CNTN5: variants seen among roughly 807,000 people sequenced by gnomAD.
The protein encoded by CNTN5 is contactin 5, also known as contactin-5.
In CNTN5, 77 loss-of-function variants were observed where a neutral mutation model predicts 129.1. That is an observed-to-expected ratio of 0.60 (90% confidence interval 0.50 to 0.72). CNTN5 has a LOEUF of 0.72. Ranked by LOEUF, CNTN5 falls within the 30% of genes least tolerant of loss-of-function variation. The pLI is 0.00. For synonymous variants in CNTN5, 509 were observed against 465.6 expected (o/e 1.09, Z -1.20); for missense variants, 1,478 against 1,328.8 (o/e 1.11, Z -1.75).
At chr11:99,588,378 T>C (rs575699555) in intron 3 of CNTN5, among the ~76,000 whole-genome samples, 195 of 145,094 alleles carry the variant, frequency 1.3e-3, no homozygotes, top group Non-Finnish European at 1.9e-3. Flanking sequence ...GACCACCATA[T>C]ACAATCACTT....
intron 9 of CNTN5, among the ~76,000 whole-genome samples, chr11:100,025,847 A>G (rs1941391504): frequency 6.6e-6 from 1 of 152,160 alleles, no homozygotes; most frequent in Non-Finnish European, 1.5e-5. Context: ...TTTAGGAAGT[A>G]ACTAACTTGC....
At chr11:99,633,298 C>T (rs985066298) in intron 3 of CNTN5, among the ~76,000 whole-genome samples, 2 of 152,180 alleles carry the variant, frequency 1.3e-5, no homozygotes, top group African/African-American at 4.8e-5. Context: ...ACAGGCCTTG[C>T]TCCTGCTATG....
chr11:99,156,626 G>A (rs1016783090), intron 1 of CNTN5, among the ~76,000 whole-genome samples: 1 of 151,816 alleles, frequency 6.6e-6, no homozygotes, highest in Non-Finnish European at 1.5e-5. Context: ...ACGAAAATTA[G>A]CATTTCATCC....
At chr11:99,623,852 A>T (rs1266614991) in intron 3 of CNTN5, among the ~76,000 whole-genome samples, 1 of 152,040 alleles carries the variant, frequency 6.6e-6, no homozygotes, top group Non-Finnish European at 1.5e-5. Context: ...AGTAACCTGG[A>T]TAGCTATCAA....
chr11:99,310,361 C>T (rs1345142034), intron 1 of CNTN5, among the ~76,000 whole-genome samples: 1 of 152,016 alleles, frequency 6.6e-6, no homozygotes, highest in African/African-American at 2.4e-5. Context: ...TTCAGAAAGA[C>T]ATTTATAATA....
chr11:100,091,054 C>T (rs1195711976), intron 13 of CNTN5, among the ~76,000 whole-genome samples: 1 of 152,146 alleles, frequency 6.6e-6, no homozygotes, highest in African/African-American at 2.4e-5. Flanking sequence ...TTCTACGACA[C>T]ATGAGACTCT....
At chr11:100,324,893 C>A (rs1398751456) in intron 21 of CNTN5, among the ~76,000 whole-genome samples, 2 of 152,106 alleles carry the variant, frequency 1.3e-5, no homozygotes, top group African/African-American at 4.8e-5. Flanking sequence ...TTATGTAACT[C>A]ATTAAATTGC....
intron 13 of CNTN5, among the ~76,000 whole-genome samples, chr11:100,091,340 A>C (rs1029132722): frequency 6.7e-6 from 1 of 148,964 alleles, no homozygotes; most frequent in Non-Finnish European, 1.5e-5. Flanking sequence ...TATCCTTGTT[A>C]CTTCTCTCAC....
intron 1 of CNTN5, among the ~76,000 whole-genome samples, chr11:99,188,267 T>G (rs1858455188): frequency 6.6e-6 from 1 of 151,786 alleles, no homozygotes; most frequent in South Asian, 2.1e-4. Flanking sequence ...TCACTTCCTA[T>G]TTTGGCAGTC....
chr11:99,045,384 T>A (rs1401031153), intron 1 of CNTN5, among the ~76,000 whole-genome samples: 1 of 152,222 alleles, frequency 6.6e-6, no homozygotes, highest in Non-Finnish European at 1.5e-5. Context: ...TTCTCAAAGC[T>A]AACTTAAAAT....
chr11:99,962,211 G>T (rs189451133), intron 8 of CNTN5, among the ~76,000 whole-genome samples: 28 of 152,204 alleles, frequency 1.8e-4, no homozygotes, highest in African/African-American at 6.7e-4. Flanking sequence ...ACAACATGCA[G>T]GTTAGTTACA....
intron 2 of CNTN5, among the ~76,000 whole-genome samples, chr11:99,512,785 A>G (rs1239281852): frequency 6.6e-6 from 1 of 152,120 alleles, no homozygotes; most frequent in African/African-American, 2.4e-5. Context: ...TGCCTTCTCC[A>G]TCAACCAACC....
At chr11:99,286,513 T>G (rs1213095641) in intron 1 of CNTN5, among the ~76,000 whole-genome samples, 1 of 152,170 alleles carries the variant, frequency 6.6e-6, no homozygotes, top group African/African-American at 2.4e-5. Flanking sequence ...GACTTAATGT[T>G]AAAAATGGTA....
At chr11:99,980,392 G>A (rs1158233888) in intron 8 of CNTN5, among the ~76,000 whole-genome samples, 1 of 152,134 alleles carries the variant, frequency 6.6e-6, no homozygotes, top group Admixed American at 6.5e-5. Context: ...AGGACAATTT[G>A]TACCTCAAGC....
intron 2 of CNTN5, among the ~76,000 whole-genome samples, chr11:99,383,407 G>A (rs2136167043): frequency 6.6e-6 from 1 of 152,316 alleles, no homozygotes; most frequent in Non-Finnish European, 1.5e-5. Flanking sequence ...ATGATAGCAT[G>A]TACTACACAG....
chr11:99,080,651 G>T (rs1295607343), intron 1 of CNTN5, among the ~76,000 whole-genome samples: 3 of 152,174 alleles, frequency 2.0e-5, no homozygotes, highest in Non-Finnish European at 4.4e-5. Context: ...TTGGACTTGG[G>T]AATGGGATTA....
chr11:100,339,132 G>T (rs1183678847), intron 21 of CNTN5, among the ~76,000 whole-genome samples: 1 of 152,098 alleles, frequency 6.6e-6, no homozygotes, highest in East Asian at 1.9e-4. Flanking sequence ...GCCATCCATG[G>T]ACAGCTGTGT....
intron 2 of CNTN5, among the ~76,000 whole-genome samples, chr11:99,428,860 A>T (rs1396680476): frequency 6.6e-6 from 1 of 152,216 alleles, no homozygotes; most frequent in East Asian, 1.9e-4. Flanking sequence ...GTTTATCTAA[A>T]CAAGAACTTT....
intron 2 of CNTN5, among the ~76,000 whole-genome samples, chr11:99,378,044 C>A (rs1346695527): frequency 6.6e-6 from 1 of 152,028 alleles, no homozygotes; most frequent in Non-Finnish European, 1.5e-5. Flanking sequence ...GTATAATCAA[C>A]CTAATTATAT....
Sources: allele counts gnomAD v4.1 joint callset (sites outside exome capture counted in the v4.1 genomes callset), GRCh38; gene constraint gnomAD v4.1.1; transcripts MANE v1.5; gene names NCBI Gene and HGNC (gene_info 2026-07-23, HGNC 2026-07-21).